SCARB2: variants seen among roughly 807,000 people sequenced by gnomAD.
SCARB2 encodes lysosome membrane protein 2.
In SCARB2, 29 loss-of-function variants were observed where a neutral mutation model predicts 58.6. That is an observed-to-expected ratio of 0.49 (90% CI 0.37 to 0.67). The LOEUF (loss-of-function observed/expected upper bound fraction) is 0.67. Among genes scored for constraint, SCARB2 ranks in the 30% least tolerant of loss-of-function variants. The pLI, the probability that SCARB2 is intolerant of heterozygous loss-of-function variation, is 0.00. For synonymous variants in SCARB2, 195 were observed against 210.1 expected (o/e 0.93, Z 0.62); for missense variants, 488 against 578.5 (o/e 0.84, Z 1.60).
At chr4:76,226,997 G>A (rs1733409464) in intron 1 of SCARB2, among the ~76,000 whole-genome samples, 1 of 39,872 alleles carries the variant, frequency 2.5e-5, no homozygotes, top group African/African-American at 4.7e-5. Flanking sequence ...TTTGTCTTTC[G>A]AATTTTGTTT....
At chr4:76,204,085 G>A (rs909399129) in intron 1 of SCARB2, among the ~76,000 whole-genome samples, 2 of 152,130 alleles carry the variant, frequency 1.3e-5, no homozygotes, top group African/African-American at 4.8e-5. Context: ...AATTGTGTAT[G>A]GATGGTATAT....
chr4:76,165,997 C>G (rs1390137889), intron 10 of SCARB2: 1 of 576,512 alleles, frequency 1.7e-6, no homozygotes, highest in African/African-American at 1.9e-5. Context: ...CCTACGTGAG[C>G]AGCTCCCCAG....
intron 2 of SCARB2, among the ~76,000 whole-genome samples, chr4:76,183,726 G>T (rs1035092421): frequency 6.6e-6 from 1 of 152,204 alleles, no homozygotes; most frequent in African/African-American, 2.4e-5. Flanking sequence ...CCTCCTGGGA[G>T]GTTGGGGGGT....
chr4:76,182,393 A>C (rs1732403040), intron 2 of SCARB2, among the ~76,000 whole-genome samples: 1 of 152,216 alleles, frequency 6.6e-6, no homozygotes, highest in Non-Finnish European at 1.5e-5. Flanking sequence ...AAATGATGCT[A>C]TTTCAGTTAT....
chr4:76,181,209 A>T, intron 2 of SCARB2, 108 bp from the exon 3 acceptor site: 1 of 1,104,158 alleles, frequency 9.1e-7, no homozygotes, highest in Middle Eastern at 2.9e-4. Flanking sequence ...CATTCCCAAT[A>T]TAACATTATA....
At chr4:76,227,469 T>C (rs995282810) in intron 1 of SCARB2, among the ~76,000 whole-genome samples, 2 of 152,248 alleles carry the variant, frequency 1.3e-5, no homozygotes, top group Non-Finnish European at 2.9e-5. Context: ...ATATGGTCTA[T>C]CTTGGAGAAT....
Position 76,175,891 on chromosome 4 carries a change from T to C in SCARB2, c.724A>G (p.Thr242Ala), listed in dbSNP as rs558463081. 6.2e-7 allele frequency: 1 copy of C among 1,613,886 alleles called. No individual in the cohort carries two copies. Among genetic ancestry groups the C allele is most frequent in the South Asian group, 1.1e-5 (1 of 91,076 alleles). The change falls in exon 6 of 12, where the codon ACA (threonine) becomes GCA (alanine). Residue 242 changes from threonine (T) to alanine (A), a missense_variant. By Grantham distance (58) the Thr-to-Ala change is moderately conservative. Transcript: ENST00000264896. ...CCATTAATCATATTGCACTTGTCTG[T>C]TATCCACCAGTCAAGTGACCTATAA... is the stretch of plus-strand genomic sequence containing the variant. ...NGKTSLDWWITDKCNMINGTD... is the reference protein window; with the variant it reads ...NGKTSLDWWIADKCNMINGTD...
intron 7 of SCARB2, among the ~76,000 whole-genome samples, chr4:76,170,971 T>TATATAA (rs34900504): frequency 3.7e-4 from 50 of 133,906 alleles, no homozygotes; most frequent in African/African-American, 6.4e-4. Flanking sequence ...TATATATATA[T>TATATAA]AACCAAATAG....
At chr4:76,187,121 C>T (rs1391558900) in intron 2 of SCARB2, among the ~76,000 whole-genome samples, 1 of 152,134 alleles carries the variant, frequency 6.6e-6, no homozygotes, top group Admixed American at 6.5e-5. Flanking sequence ...AAGGAAGACA[C>T]TTAGATCCTG....
intron 1 of SCARB2, among the ~76,000 whole-genome samples, 167 bp from the exon 2 acceptor site, chr4:76,196,031 C>T (rs1296129328): frequency 6.6e-6 from 1 of 152,226 alleles, no homozygotes; most frequent in Non-Finnish European, 1.5e-5. Context: ...ATATCTTACA[C>T]CAATAGAGCC....
At chr4:76,184,691 A>G in intron 2 of SCARB2, 2 of 251,690 alleles carry the variant, frequency 7.9e-6, no homozygotes, top group South Asian at 4.1e-5. Flanking sequence ...CTAAGGTGGG[A>G]GGATGGCTTG....
intron 7 of SCARB2, chr4:76,172,635 G>A (rs902879444): frequency 6.6e-6 from 1 of 151,656 alleles, no homozygotes; most frequent in Non-Finnish European, 1.5e-5. Context: ...AGGATCAGGA[G>A]GTATACTGCT....
intron 9 of SCARB2, 199 bp from the exon 10 acceptor site, chr4:76,166,500 C>T (rs1732011846): frequency 6.3e-6 from 4 of 631,632 alleles, no homozygotes; most frequent in South Asian, 1.9e-5. Flanking sequence ...ATGTGCTGTA[C>T]GTTTATCAAA....
rs1732065197 is a variant in SCARB2, at chr4:76,168,670, A to G, written c.1114-194T>C. ...ATGGGTTGTATTAGGTGGCTGATAG[A>G]CCAGTGTGTCTCAAACATGAGTATG... On this transcript the variant is annotated intron_variant, in intron 8 of 11. Transcript: ENST00000264896. Among the ~76,000 whole-genome samples, 5 of 152,220 alleles carry G rather than the reference A, an allele frequency of 3.3e-5. No homozygotes were observed. The South Asian group carries it at 1.0e-3, about 32-fold the overall frequency.
chr4:76,178,853 A>C (rs974145602), intron 4 of SCARB2, among the ~76,000 whole-genome samples: 1 of 152,166 alleles, frequency 6.6e-6, no homozygotes, highest in African/African-American at 2.4e-5. Flanking sequence ...TAAAAACTGG[A>C]ATGCTACAGG....
chr4:76,185,068 T>C (rs17001589), intron 2 of SCARB2, among the ~76,000 whole-genome samples: 16,675 of 152,238 alleles, frequency 0.11, 1,131 homozygotes, highest in East Asian at 0.21. Context: ...CACCTTTTTA[T>C]AGATAAGGAT....
chr4:76,175,839 A>G lies in SCARB2; in HGVS notation c.776T>C (p.Leu259Pro). The G allele has an allele frequency of 1.2e-6, 2 of 1,614,060 alleles. No individual in the cohort carries two copies. Among genetic ancestry groups the G allele is most frequent in the Non-Finnish European group, 1.7e-6 (2 of 1,180,002 alleles). Residue 259 changes from leucine (L) to proline (P), a missense_variant, in exon 6 of 12, where the codon CTA (leucine) becomes CCA (proline). Physicochemically the swap from Leu to Pro is moderately conservative, Grantham distance 98. Coordinates refer to ENST00000264896, the MANE Select transcript of SCARB2 (RefSeq NM_005506.4). ...NGTDGDSFHP[L>P]ITKDEVLYVF... ...ATAAAGGACCTCATCTTTGGTTATT[A>G]GTGGGTGAAAAGAATCTCCATCTGT...
intron 7 of SCARB2, among the ~76,000 whole-genome samples, chr4:76,171,476 T>C (rs1263735921): frequency 2.6e-5 from 4 of 152,290 alleles, no homozygotes; most frequent in South Asian, 2.1e-4. Context: ...CTATCCAAAA[T>C]GTTTCCCTGG....
intron 1 of SCARB2, 143 bp downstream of exon 1, chr4:76,213,284 G>A (rs1191157998): frequency 1.4e-6 from 1 of 711,142 alleles, no homozygotes; most frequent in Admixed American, 2.0e-5. Context: ...CGCCTACCAA[G>A]CCCTGGAAGA....
Sources: gnomAD v4.1 joint callset for allele counts (sites outside exome capture counted in the v4.1 genomes callset) on GRCh38, gnomAD v4.1.1 for gene constraint, MANE v1.5 for transcripts, NCBI Gene and HGNC (gene_info 2026-07-23, HGNC 2026-07-21) for gene names.